GALNT14: variants seen among roughly 807,000 people sequenced by gnomAD.
GALNT14 encodes polypeptide N-acetylgalactosaminyltransferase 14, also known as UDP-GalNAc:polypeptide N-acetylgalactosaminyltransferase 14.
Under a neutral mutation model 77.5 loss-of-function variants are expected in GALNT14, and 60 were observed. The ratio of observed to expected loss-of-function variants is 0.77; its 90% CI spans 0.63 to 0.96. The LOEUF (loss-of-function observed/expected upper bound fraction) is 0.96. Among genes scored for constraint, GALNT14 ranks in the 40% least tolerant of loss-of-function variants. GALNT14 has a pLI of 0.00. For missense variants in GALNT14, 710 were observed against 731.0 expected, an observed-to-expected ratio of 0.97 and a Z score of 0.33; for synonymous variants, 280 against 281.7, an observed-to-expected ratio of 0.99 and a Z score of 0.06.
chr2:31,098,713 T>C (rs1376342538), intron 1 of GALNT14, among the ~76,000 whole-genome samples: 1 of 152,044 alleles, frequency 6.6e-6, no homozygotes, highest in African/African-American at 2.4e-5. Flanking sequence ...TAACTACCGA[T>C]AGCCTATTGT....
At chr2:30,988,756 A>G (rs549489619) in intron 2 of GALNT14, among the ~76,000 whole-genome samples, 58 of 152,316 alleles carry the variant, frequency 3.8e-4, no homozygotes, top group African/African-American at 1.4e-3. Context: ...GCTCTTGCCG[A>G]GACACAATCA....
intron 9 of GALNT14, among the ~76,000 whole-genome samples, chr2:30,939,156 G>T (rs765291687): frequency 2.0e-5 from 3 of 152,196 alleles, no homozygotes; most frequent in Non-Finnish European, 4.4e-5. Flanking sequence ...CCCAGGTTTG[G>T]TAGAAGGCTG....
intron 1 of GALNT14, among the ~76,000 whole-genome samples, chr2:31,098,312 A>C (rs561733197): frequency 6.6e-6 from 1 of 152,162 alleles, no homozygotes; most frequent in Non-Finnish European, 1.5e-5. Context: ...TAGCGGGGGA[A>C]AGCCTTTGGG....
intron 6 of GALNT14, among the ~76,000 whole-genome samples, chr2:30,948,202 G>A (rs192328894): frequency 1.0e-3 from 156 of 152,356 alleles, no homozygotes; most frequent in Middle Eastern, 3.4e-3. Flanking sequence ...CAAAGTCTTG[G>A]TTTTGCCTTT....
intron 2 of GALNT14, among the ~76,000 whole-genome samples, chr2:30,990,479 TGTGAG>T (rs10533313): frequency 0.31 from 47,356 of 151,848 alleles, 7,914 homozygotes; most frequent in African/African-American, 0.42. Context: ...GAGCTGGAAG[TGTGAG>T]ATGAGATCCT....
At chr2:30,911,200 A>T (rs993762392) in intron 14 of GALNT14, 141 bp from the exon 15 acceptor site, 1 of 679,700 alleles carries the variant, frequency 1.5e-6, no homozygotes, top group Non-Finnish European at 2.5e-6. Context: ...TAAAACTGCA[A>T]CTAATTGCTC....
chr2:31,052,242 A>C (rs552678992), intron 1 of GALNT14, among the ~76,000 whole-genome samples: 3 of 152,008 alleles, frequency 2.0e-5, no homozygotes, highest in African/African-American at 7.2e-5. Flanking sequence ...CAGCCTCAGC[A>C]CTCCACATGG....
intron 1 of GALNT14, among the ~76,000 whole-genome samples, chr2:31,075,836 G>C (rs1675743159): frequency 6.6e-6 from 1 of 152,200 alleles, no homozygotes; most frequent in African/African-American, 2.4e-5. Flanking sequence ...TGCGACTCTG[G>C]GAAGTTCTAC....
At chr2:31,059,032 C>G (rs1025553874) in intron 1 of GALNT14, among the ~76,000 whole-genome samples, 4 of 152,052 alleles carry the variant, frequency 2.6e-5, no homozygotes, top group Non-Finnish European at 5.9e-5. Flanking sequence ...ATCTGCCTAC[C>G]AGCCATTGAG....
chr2:30,989,271 T>G (rs1669510053), intron 2 of GALNT14, among the ~76,000 whole-genome samples: 1 of 152,044 alleles, frequency 6.6e-6, no homozygotes. Context: ...CACCACTCAC[T>G]TCCACTTCTC....
chr2:31,035,845 C>T, intron 1 of GALNT14, among the ~76,000 whole-genome samples: 1 of 151,834 alleles, frequency 6.6e-6, no homozygotes, highest in East Asian at 1.9e-4. Flanking sequence ...ACAATAGACA[C>T]TGGGGACTAC....
intron 1 of GALNT14, among the ~76,000 whole-genome samples, chr2:31,076,325 C>T (rs901446512): frequency 6.6e-6 from 1 of 152,112 alleles, no homozygotes; most frequent in Admixed American, 6.6e-5. Flanking sequence ...GTGACTGGCC[C>T]AAGAGGACGT....
chr2:30,995,902 C>T (rs991694683), intron 1 of GALNT14, among the ~76,000 whole-genome samples: 4 of 152,036 alleles, frequency 2.6e-5, no homozygotes, highest in Non-Finnish European at 1.5e-5. Flanking sequence ...CTGACAAGTC[C>T]CAGGATCTGT....
chr2:30,918,700 C>T (rs1372182794), intron 13 of GALNT14, among the ~76,000 whole-genome samples: 5 of 99,800 alleles, frequency 5.0e-5, no homozygotes, highest in East Asian at 3.2e-4. Flanking sequence ...AGGATGGCAT[C>T]GGGCAGGGAG....
At chr2:31,129,414 GTCTT>G in intron 1 of GALNT14, 1 of 985,412 alleles carries the variant, frequency 1.0e-6, no homozygotes, top group South Asian at 4.7e-5. Context: ...AATTAGTAAA[GTCTT>G]TCAGCTAGCT....
intron 9 of GALNT14, among the ~76,000 whole-genome samples, chr2:30,933,700 A>G (rs1228821703): frequency 6.6e-6 from 1 of 152,210 alleles, no homozygotes; most frequent in Admixed American, 6.5e-5. Context: ...AATCATGGCA[A>G]TAACATGGGG....
intron 3 of GALNT14, among the ~76,000 whole-genome samples, chr2:30,962,909 TAG>T (rs1182859141): frequency 1.3e-5 from 2 of 152,180 alleles, no homozygotes; most frequent in African/African-American, 4.8e-5. Flanking sequence ...TGCAACAGGA[TAG>T]AGAGTGAAAG....
chr2:30,936,112 T>C (rs923612850), intron 9 of GALNT14, among the ~76,000 whole-genome samples: 1 of 152,230 alleles, frequency 6.6e-6, no homozygotes, highest in Admixed American at 6.5e-5. Flanking sequence ...ATCGGGGCAC[T>C]GTTATAATCT....
intron 1 of GALNT14, among the ~76,000 whole-genome samples, chr2:31,128,698 T>G (rs1678821841): frequency 6.6e-6 from 1 of 152,070 alleles, no homozygotes; most frequent in Admixed American, 6.5e-5. Context: ...CAGAACCTGA[T>G]GTGGGGTACT....
Sources: allele counts gnomAD v4.1 joint callset (sites outside exome capture counted in the v4.1 genomes callset), GRCh38; gene constraint gnomAD v4.1.1; transcripts MANE v1.5; gene names NCBI Gene and HGNC (gene_info 2026-07-23, HGNC 2026-07-21).